Variants in DPY19L4 observed in about 807,000 individuals in gnomAD.
DPY19L4 encodes the protein dpy-19 like 4, also known as probable C-mannosyltransferase DPY19L4.
Under a neutral mutation model 102.8 loss-of-function variants are expected in DPY19L4, and 97 were observed. That is an observed-to-expected ratio of 0.94 (90% CI 0.80 to 1.12). The LOEUF is 1.12. Among genes scored for constraint, DPY19L4 ranks in the 50% most tolerant of loss-of-function variants. DPY19L4 has a pLI of 0.00. For missense variants in DPY19L4, 815 were observed against 850.4 expected (o/e 0.96, Z 0.52); for synonymous variants, 252 against 283.1 (o/e 0.89, Z 1.10).
chr8:94,788,018 GGGTT>G lies in DPY19L4; in HGVS notation c.1974_1977del (p.Val659LysfsTer4). The G allele has an allele frequency of 4.0e-6, 6 of 1,494,848 alleles. No homozygotes were observed. The highest frequency in any genetic ancestry group is 5.3e-6 in the Non-Finnish European group (6 of 1,123,156). The allele number at this position is 1,494,848 out of a possible 1,614,324, so 92.6% of individuals were successfully genotyped here. ...GAGGTGGGACCCATGAGAGGCTGTA[GGGTT>G]AAAGATTTATTAGACATTGCAAATG... On this transcript the variant is annotated frameshift_variant, in exon 18 of 19. Transcript: ENST00000414645. LOFTEE classifies it high-confidence loss of function.
chr8:94,720,889 C>T (rs1157241896), intron 1 of DPY19L4, among the ~76,000 whole-genome samples: 2 of 151,640 alleles, frequency 1.3e-5, no homozygotes, highest in Admixed American at 1.3e-4. Flanking sequence ...AACTTTTTAC[C>T]TTATGAGTGG....
chr8:94,788,524 C>T (rs1032508887), intron 18 of DPY19L4, among the ~76,000 whole-genome samples: 52 of 152,142 alleles, frequency 3.4e-4, no homozygotes, highest in South Asian at 2.1e-4. Flanking sequence ...TCCACAAAAA[C>T]GAATGTATTA....
At position 94,778,395 on chromosome 8, in the gene DPY19L4, AT is replaced by A. The variant is rs1813280978; in HGVS notation, c.1575+610del. Among the ~76,000 whole-genome samples the A allele has an allele frequency of 2.0e-5, 3 of 152,224 alleles. No homozygotes were observed. In the South Asian group the frequency reaches 6.2e-4, roughly 32 times the overall value. On this transcript the variant is annotated intron_variant, in intron 14 of 18. Transcript: ENST00000414645. ...GATTTAGAACTATGGTATATTTTCTATGTGAATGGAACATTACATTCTGCCT... is the reference window on the plus strand; with the variant it reads ...GATTTAGAACTATGGTATATTTTCTAGTGAATGGAACATTACATTCTGCCT...
At chr8:94,740,908 T>C (rs1484221157) in intron 6 of DPY19L4, among the ~76,000 whole-genome samples, 3 of 152,190 alleles carry the variant, frequency 2.0e-5, no homozygotes, top group East Asian at 1.9e-4. Context: ...AAATCAGGAT[T>C]TAATCCAGGA....
chr8:94,783,648 A>C (rs1046411636), intron 16 of DPY19L4, 22 bp from the exon 17 acceptor site: 1 of 1,611,182 alleles, frequency 6.2e-7, no homozygotes, highest in African/African-American at 1.3e-5. Context: ...TTCAGTGTGC[A>C]AATCTTTATG....
At chr8:94,777,603 A>G in intron 13 of DPY19L4, 63 bp from the exon 14 acceptor site, 1 of 1,538,288 alleles carries the variant, frequency 6.5e-7, no homozygotes. Flanking sequence ...CTCAGAGAAC[A>G]AAAATTAGAT....
rs770209958 is a variant in DPY19L4 at position 94,739,408 on chromosome 8, T to C, written c.344-5T>C. The C allele has an allele frequency of 6.4e-7, 1 of 1,566,346 alleles. No individual in the cohort carries two copies. The highest frequency in any genetic ancestry group is 8.6e-7 in the Non-Finnish European group (1 of 1,162,376). ...TAATCTGGAGAAAAATCTTTCTGTC[T>C]TTAGGTGTTTACGAACTGACACACA... On this transcript the variant is annotated splice_polypyrimidine_tract_variant and splice_region_variant and intron_variant, in intron 4 of 18. Transcript: ENST00000414645.
intron 11 of DPY19L4, among the ~76,000 whole-genome samples, chr8:94,767,316 T>A (rs4644204): frequency 6.9e-6 from 1 of 144,782 alleles, no homozygotes; most frequent in African/African-American, 2.5e-5. Flanking sequence ...TTTTTTGAGA[T>A]GGAGTCTTAC....
intron 3 of DPY19L4, among the ~76,000 whole-genome samples, chr8:94,737,376 A>T (rs1409471580): frequency 6.6e-6 from 1 of 151,774 alleles, no homozygotes; most frequent in East Asian, 2.0e-4. Flanking sequence ...GGGTTTCACC[A>T]TGTTGGCCAG....
chr8:94,761,900 A>G, intron 8 of DPY19L4, 66 bp downstream of exon 8: 1 of 1,488,150 alleles, frequency 6.7e-7, no homozygotes, highest in Non-Finnish European at 8.9e-7. Context: ...TGTATCTTAA[A>G]ACCTCTCTTT....
At chr8:94,750,867 C>T (rs1031016665) in intron 6 of DPY19L4, among the ~76,000 whole-genome samples, 9 of 151,474 alleles carry the variant, frequency 5.9e-5, no homozygotes, top group Non-Finnish European at 1.0e-4. Flanking sequence ...ACTGCAACCT[C>T]CACCTCCCAG....
chr8:94,779,903 T>C (rs1813353973), intron 14 of DPY19L4, among the ~76,000 whole-genome samples: 1 of 152,200 alleles, frequency 6.6e-6, no homozygotes, highest in Non-Finnish European at 1.5e-5. Flanking sequence ...GCCAGTCTTA[T>C]TTCAAGGAGA....
chr8:94,771,552 G>A (rs1410387411), intron 13 of DPY19L4, among the ~76,000 whole-genome samples: 1 of 152,160 alleles, frequency 6.6e-6, no homozygotes, highest in Non-Finnish European at 1.5e-5. Flanking sequence ...AGATGTACAT[G>A]GTGCTATAAG....
chr8:94,790,458 T>C lies in DPY19L4; in HGVS notation c.*548T>C, dbSNP rs1813844822. On this transcript the variant is annotated 3_prime_UTR_variant, in exon 19 of 19. Coordinates refer to ENST00000414645, the MANE Select transcript of DPY19L4 (RefSeq NM_181787.3). The stretch of plus-strand genomic sequence containing the variant: ...TATAAAGGAAAGTGATTTTTAAGGA[T>C]ATACATAAAGATATATTTAGAATTT... The C allele has an allele frequency of 6.6e-6, 1 of 152,528 alleles. No homozygotes were observed. The highest frequency in any genetic ancestry group is 1.5e-5 in the Non-Finnish European group (1 of 67,964). The allele number at this position is 152,528 out of a possible 1,614,324, so 9.4% of individuals were successfully genotyped here. A position where few individuals can be genotyped will look rare whatever the true frequency, so the allele number is the denominator to read the frequency against.
In DPY19L4 at chr8:94,784,063, T is replaced by G. The variant is rs1284374596; in HGVS notation, c.1848+261T>G. ...AAAATACTTAATTTTCCACAAAGTA[T>G]CAAGGGACCTAATGTGTAATATTTT... On this transcript the variant is annotated intron_variant, in intron 17 of 18. Coordinates refer to ENST00000414645, the MANE Select transcript of DPY19L4 (RefSeq NM_181787.3). Among the ~76,000 whole-genome samples the G allele has an allele frequency of 8.5e-5, 13 of 152,248 alleles. 1 individual carries two copies. The highest frequency in any genetic ancestry group is 8.5e-4 in the Admixed American group (13 of 15,290).
rs542557014 is a variant in DPY19L4, at chr8:94,792,205, A to G, written c.*2295A>G. On this transcript the variant is annotated 3_prime_UTR_variant, in exon 19 of 19. Transcript: ENST00000414645. ...CCCTTGATACTGCAAACCCACTGATACAAGTGCCTTGAATTTATTATTATT... is the reference window on the plus strand; with the variant it reads ...CCCTTGATACTGCAAACCCACTGATGCAAGTGCCTTGAATTTATTATTATT... 6.6e-6 allele frequency: 1 copy of G among 152,062 alleles called. No homozygotes were observed. The highest frequency in any genetic ancestry group is 1.5e-5 in the Non-Finnish European group (1 of 67,992). The allele number at this position is 152,062 out of a possible 1,614,324, so 9.4% of individuals were successfully genotyped here. A position where few individuals can be genotyped will look rare whatever the true frequency, so the allele number is the denominator to read the frequency against.
rs750786955 is a variant in DPY19L4, at chr8:94,783,683, G to T, written c.1729G>T (p.Val577Phe). 9.3e-6 allele frequency: 15 copies of T among 1,613,802 alleles called. No individual in the cohort carries two copies. The highest frequency in any genetic ancestry group is 1.3e-5 in the Non-Finnish European group (15 of 1,179,980). Residue 577 changes from valine to phenylalanine, a missense_variant, in exon 17 of 19, where the codon GTT becomes TTT. Transcript: ENST00000414645. The stretch of plus-strand genomic sequence containing the variant: ...GGTTCTTTGCAGAAGGCAAGCTCCA[G>T]TTGCAGCTGTGTTTGCAGGGAGTCC... ...LMTWIKRQAP[V>F]AAVFAGSPQL...
intron 6 of DPY19L4, among the ~76,000 whole-genome samples, chr8:94,744,173 C>G (rs1357651129): frequency 1.3e-5 from 2 of 152,176 alleles, no homozygotes; most frequent in Non-Finnish European, 2.9e-5. Context: ...CTCAGGGTCT[C>G]TCATGAGGTT....
intron 14 of DPY19L4, 89 bp downstream of exon 14, chr8:94,777,875 C>G: frequency 7.1e-7 from 1 of 1,401,392 alleles, no homozygotes; most frequent in East Asian, 2.4e-5. Context: ...ATTGAAATAG[C>G]ATGAGTAAAT....
Sources: gnomAD v4.1 joint callset for allele counts (sites outside exome capture counted in the v4.1 genomes callset) on GRCh38, gnomAD v4.1.1 for gene constraint, MANE v1.5 for transcripts, NCBI Gene and HGNC (gene_info 2026-07-23, HGNC 2026-07-21) for gene names.